SLC9A1: variants seen among roughly 807,000 people sequenced by gnomAD.
SLC9A1 encodes the protein sodium/hydrogen exchanger 1.
In SLC9A1, 22 loss-of-function variants were observed where a neutral mutation model predicts 67.9. The observed-to-expected ratio is 0.32, with a 90% CI of 0.23 to 0.46. The LOEUF is 0.46. Among genes scored for constraint, SLC9A1 ranks in the 20% least tolerant of loss-of-function variants. The probability of loss-of-function intolerance (pLI) is 1.00; values close to 1 mark genes in which losing one functional copy is unlikely to be tolerated. For missense variants in SLC9A1, 686 were observed against 1,094.8 expected (o/e 0.63, Z 5.27); for synonymous variants, 421 against 471.8 (o/e 0.89, Z 1.40).
chr1:27,144,355 C>G (rs576512194), intron 1 of SLC9A1, among the ~76,000 whole-genome samples: 1 of 152,174 alleles, frequency 6.6e-6, no homozygotes, highest in Non-Finnish European at 1.5e-5. Context: ...CCAAACAGAT[C>G]CAGATCTTCC....
chr1:27,104,076 C>A (rs1240507461), intron 5 of SLC9A1: 3 of 119,258 alleles, frequency 2.5e-5, no homozygotes, highest in Non-Finnish European at 3.4e-5. Flanking sequence ...GCCTCCTCCT[C>A]TTTTTTTTTT....
chr1:27,154,580 G>T lies in SLC9A1; in HGVS notation c.-246C>A, dbSNP rs1570893916. The T allele has an allele frequency of 4.5e-6, 2 of 445,856 alleles. No individual in the cohort carries two copies. Among genetic ancestry groups the T allele is most frequent in the South Asian group, 3.7e-5 (1 of 26,788 alleles). 27.6% of individuals were successfully genotyped at this position (445,856 alleles called of 1,614,324 possible). A position where few individuals can be genotyped will look rare whatever the true frequency, so the allele number is the denominator to read the frequency against. ...AACGACCACGAAAGGAGACCAAAAGGTCTGGAACTCCGGGCCTGGGAAGGG... is the reference window on the plus strand; with the variant it reads ...AACGACCACGAAAGGAGACCAAAAGTTCTGGAACTCCGGGCCTGGGAAGGG... On this transcript the variant is annotated 5_prime_UTR_variant, in exon 1 of 12. Coordinates refer to ENST00000263980, the MANE Select transcript of SLC9A1 (RefSeq NM_003047.5).
At chr1:27,130,958 C>G (rs578069197) in intron 1 of SLC9A1, among the ~76,000 whole-genome samples, 15 of 152,348 alleles carry the variant, frequency 9.8e-5, no homozygotes, top group African/African-American at 3.4e-4. Flanking sequence ...GTCTGCCAAC[C>G]AGTTCACCCC....
In SLC9A1 at chr1:27,107,753, G is replaced by A; in HGVS notation, c.1177C>T (p.Leu393Phe). The change falls in exon 4 of 12, where the codon CTC becomes TTC. Residue 393 changes from leucine to phenylalanine, a missense_variant. Physicochemically the swap from Leu to Phe is conservative, Grantham distance 22. Around this residue, in one of 7 missense-constraint regions of SLC9A1, gnomAD observed 168 missense variants for 375.4 expected, o/e 0.45. Coordinates refer to ENST00000263980, the MANE Select transcript of SLC9A1 (RefSeq NM_003047.5). ...LKMWSSVSET[L>F]IFIFLGVSTV... The stretch of plus-strand genomic sequence containing the variant: ...GAGACGCCGAGGAAGATGAAGATGA[G>A]GGTCTCGCTGACGCTGCTCCACATC... 6.3e-7 allele frequency: 1 copy of A among 1,596,678 alleles called. No homozygotes were observed. The highest frequency in any genetic ancestry group is 8.5e-7 in the Non-Finnish European group (1 of 1,172,364).
chr1:27,153,233 C>A lies in SLC9A1; in HGVS notation c.352+750G>T, dbSNP rs565683592. ...ACCCTGAGACACAGCCAGGCAGCGACCTGGGGGTGAGCTGGGGTCAGACCA... is the reference window on the plus strand; with the variant it reads ...ACCCTGAGACACAGCCAGGCAGCGAACTGGGGGTGAGCTGGGGTCAGACCA... On this transcript the variant is annotated intron_variant, in intron 1 of 11. Coordinates refer to ENST00000263980, the MANE Select transcript of SLC9A1 (RefSeq NM_003047.5). Among the ~76,000 whole-genome samples the A allele has an allele frequency of 6.6e-5, 10 of 152,212 alleles. No individual in the cohort carries two copies. In the South Asian group the frequency reaches 2.1e-3, roughly 32 times the overall value.
At position 27,125,987 on chromosome 1, in the gene SLC9A1, G is replaced by C. The variant is rs75604732; in HGVS notation, c.353-11701C>G. Among the ~76,000 whole-genome samples the C allele has an allele frequency of 8.1e-3, 1,240 of 152,226 alleles. 17 individuals carry two copies. Among genetic ancestry groups the C allele is most frequent in the African/African-American group, 0.028 (1,150 of 41,534 alleles). On this transcript the variant is annotated intron_variant, in intron 1 of 11. Transcript: ENST00000263980. Reference sequence around the variant, plus strand: ...CACCACACCTGAATCTCCACTCACTGTCCCCTAGCTCTACTGGCCTCCTTG... The same window carrying C: ...CACCACACCTGAATCTCCACTCACTCTCCCCTAGCTCTACTGGCCTCCTTG...
chr1:27,115,954 T>C (rs1160952608), intron 1 of SLC9A1, among the ~76,000 whole-genome samples: 1 of 152,124 alleles, frequency 6.6e-6, no homozygotes, highest in Non-Finnish European at 1.5e-5. Context: ...TCTGCTCTCA[T>C]TACTTACTCT....
chr1:27,118,913 T>G lies in SLC9A1; in HGVS notation c.353-4627A>C, dbSNP rs2083288543. ...ACAAGGAGGCACGAAAGTGTGGAATTCAACATCTCCAAGCACAGCCACAGG... is the reference window on the plus strand; with the variant it reads ...ACAAGGAGGCACGAAAGTGTGGAATGCAACATCTCCAAGCACAGCCACAGG... On this transcript the variant is annotated intron_variant, in intron 1 of 11. Coordinates refer to ENST00000263980, the MANE Select transcript of SLC9A1 (RefSeq NM_003047.5). The surrounding 1 kb of genome is among the most constrained non-coding windows in gnomAD (Gnocchi z 4.3). Among the ~76,000 whole-genome samples the G allele has an allele frequency of 6.6e-6, 1 of 152,034 alleles. No individual in the cohort carries two copies. The highest frequency in any genetic ancestry group is 2.4e-5 in the African/African-American group (1 of 41,384).
chr1:27,126,624 T>G (rs1046723579), intron 1 of SLC9A1, among the ~76,000 whole-genome samples: 8 of 152,066 alleles, frequency 5.3e-5, no homozygotes, highest in Non-Finnish European at 1.2e-4. Flanking sequence ...TGTCTCCCCC[T>G]CCAGACCACA....
At chr1:27,129,646 GC>G (rs1209956871) in intron 1 of SLC9A1, among the ~76,000 whole-genome samples, 1 of 152,148 alleles carries the variant, frequency 6.6e-6, no homozygotes, top group Non-Finnish European at 1.5e-5. Context: ...AAAGGATGAA[GC>G]CCAGAGAGGG....
intron 1 of SLC9A1, among the ~76,000 whole-genome samples, chr1:27,144,871 G>A (rs1014389600): frequency 4.6e-5 from 7 of 152,036 alleles, no homozygotes; most frequent in East Asian, 1.9e-4. Flanking sequence ...TTAGCTGGGC[G>A]TGGTGATGTA....
chr1:27,152,071 G>A (rs1429362856), intron 1 of SLC9A1, among the ~76,000 whole-genome samples: 1 of 152,210 alleles, frequency 6.6e-6, no homozygotes, highest in Non-Finnish European at 1.5e-5. Flanking sequence ...AGGACAGAGG[G>A]AGGTAGGAAG....
At chr1:27,131,947 AAT>A (rs71010329) in intron 1 of SLC9A1, among the ~76,000 whole-genome samples, 99 of 52,118 alleles carry the variant, frequency 1.9e-3, no homozygotes, top group Non-Finnish European at 3.1e-3. Context: ...AGAAAAAAAA[AAT>A]ATATATATAT....
intron 1 of SLC9A1, among the ~76,000 whole-genome samples, chr1:27,134,988 C>T (rs1486287023): frequency 2.0e-5 from 3 of 151,766 alleles, no homozygotes; most frequent in Non-Finnish European, 4.4e-5. Context: ...CTGCCTGCCT[C>T]GGCTCCCAAA....
In SLC9A1 at chr1:27,103,319, G is replaced by T. The variant is rs745561636; in HGVS notation, c.1486-7C>A. 5.0e-6 allele frequency: 8 copies of T among 1,609,582 alleles called. No individual in the cohort carries two copies. In the Admixed American group the frequency reaches 1.2e-4, roughly 23 times the overall value. On this transcript the variant is annotated splice_region_variant and splice_polypyrimidine_tract_variant and intron_variant, in intron 5 of 11. Coordinates refer to ENST00000263980, the MANE Select transcript of SLC9A1 (RefSeq NM_003047.5). ...GGGGCCGAATGGTCATGCCCTGGGG[G>T]GCAGGCAGGTGTCAGGCACTCCAGT... is the stretch of plus-strand genomic sequence containing the variant.
intron 8 of SLC9A1, 32 bp from the exon 9 acceptor site, chr1:27,102,162 A>G (rs778315683): frequency 2.6e-6 from 4 of 1,560,926 alleles, no homozygotes; most frequent in Non-Finnish European, 3.5e-6. Context: ...TAGGTCCCCA[A>G]GATTCTTGGG....
At chr1:27,115,257 TG>T (rs979596308) in intron 1 of SLC9A1, among the ~76,000 whole-genome samples, 17 of 152,188 alleles carry the variant, frequency 1.1e-4, no homozygotes, top group Non-Finnish European at 2.4e-4. Context: ...GGCCGTGTCC[TG>T]GCCAGCAACA....
chr1:27,108,727 C>T (rs913248060), intron 3 of SLC9A1, among the ~76,000 whole-genome samples: 1 of 152,150 alleles, frequency 6.6e-6, no homozygotes, highest in Non-Finnish European at 1.5e-5. Context: ...CCCTGTCACG[C>T]TGCCTGCAGG....
In SLC9A1 at chr1:27,102,752, G is replaced by C. The variant is rs748137334; in HGVS notation, c.1576-9C>G. ...AGAAGGTGGTCCAGGAACTGAAAGGGGCCCAGGGCCAAGTCAAGCCTCGCT... is the reference window on the plus strand; with the variant it reads ...AGAAGGTGGTCCAGGAACTGAAAGGCGCCCAGGGCCAAGTCAAGCCTCGCT... On this transcript the variant is annotated splice_polypyrimidine_tract_variant and intron_variant, in intron 6 of 11. Coordinates refer to ENST00000263980, the MANE Select transcript of SLC9A1 (RefSeq NM_003047.5). 231 of 1,612,790 alleles carry C rather than the reference G, an allele frequency of 1.4e-4. No individual in the cohort carries two copies. The highest frequency in any genetic ancestry group is 1.9e-4 in the Non-Finnish European group (225 of 1,179,614).
Sources: allele counts gnomAD v4.1 joint callset (sites outside exome capture counted in the v4.1 genomes callset), GRCh38; gene constraint gnomAD v4.1.1; regional missense constraint gnomAD v4.1.1; non-coding constraint Gnocchi (gnomAD v3.1); transcripts MANE v1.5; gene names NCBI Gene and HGNC (gene_info 2026-07-23, HGNC 2026-07-21).